RORA: variants seen among roughly 807,000 people sequenced by gnomAD.
RORA encodes nuclear receptor ROR-alpha.
Under a neutral mutation model 69.5 loss-of-function variants are expected in RORA, and 7 were observed. The observed-to-expected ratio is 0.10, with a 90% CI of 0.06 to 0.19. RORA has a LOEUF of 0.19. Among genes scored for constraint, RORA ranks in the 10% least tolerant of loss-of-function variants. RORA has a pLI of 1.00. For missense variants in RORA, 457 were observed against 663.0 expected (o/e 0.69, Z 3.41); for synonymous variants, 261 against 240.8 (o/e 1.08, Z -0.78).
chr15:61,029,354 G>A (rs1051877385), intron 1 of RORA, among the ~76,000 whole-genome samples: 2 of 152,080 alleles, frequency 1.3e-5, no homozygotes, highest in African/African-American at 2.4e-5. Context: ...GACTGAGGAG[G>A]GAAGCAGGAG....
At chr15:61,133,906 C>T (rs554659290) in intron 1 of RORA, among the ~76,000 whole-genome samples, 1 of 152,278 alleles carries the variant, frequency 6.6e-6, no homozygotes, top group South Asian at 2.1e-4. Context: ...TTAAATTCTT[C>T]CACAGGAAGG....
rs186397748 is a variant in RORA, at chr15:60,493,181, G to A, written c.*4274C>T. 6 of 152,148 alleles carry A rather than the reference G, an allele frequency of 3.9e-5. No homozygotes were observed. The East Asian group carries it at 9.6e-4, about 24-fold the overall frequency. The allele number at this position is 152,148 out of a possible 1,614,324, so 9.4% of individuals were successfully genotyped here. On this transcript the variant is annotated 3_prime_UTR_variant, in exon 11 of 11. Transcript: ENST00000335670. ...TATCTTAAAATAATAGCATTGGAAG[G>A]ACATATGATTTAAACAATCAATGTT...
At chr15:60,665,085 A>T (rs559538297) in intron 2 of RORA, among the ~76,000 whole-genome samples, 2 of 152,380 alleles carry the variant, frequency 1.3e-5, no homozygotes, top group Admixed American at 1.3e-4. Context: ...ATAGCAAGTC[A>T]CGTGTTCTGA....
At chr15:61,060,710 A>G (rs1210332842) in intron 1 of RORA, among the ~76,000 whole-genome samples, 1 of 152,176 alleles carries the variant, frequency 6.6e-6, no homozygotes, top group Non-Finnish European at 1.5e-5. Context: ...TGAAAGGAGA[A>G]AAATGGCTGG....
chr15:61,015,249 T>C (rs1409170227), intron 1 of RORA, among the ~76,000 whole-genome samples: 1 of 152,170 alleles, frequency 6.6e-6, no homozygotes, highest in Admixed American at 6.5e-5. Context: ...GCAGATTCTA[T>C]TTTAATCCAA....
chr15:60,992,202 C>T lies in RORA; in HGVS notation c.166+236851G>A, dbSNP rs114780443. Among the ~76,000 whole-genome samples, 668 of 152,188 alleles carry T rather than the reference C, an allele frequency of 4.4e-3. 8 individuals are homozygous for T. The highest frequency in any genetic ancestry group is 0.015 in the African/African-American group (634 of 41,544). ...GAGGAAATGGCACAAAGAAGGCCCA[C>T]GGGTTTGGAATGACGGAGAGAAGAG... On this transcript the variant is annotated intron_variant, in intron 1 of 10. Transcript: ENST00000335670.
chr15:61,170,648 G>C (rs1489486983), intron 1 of RORA, among the ~76,000 whole-genome samples: 3 of 152,158 alleles, frequency 2.0e-5, no homozygotes, highest in Non-Finnish European at 2.9e-5. Context: ...AATATAAAAA[G>C]AGCATATATG....
chr15:60,596,903 C>T (rs918372768), intron 2 of RORA, among the ~76,000 whole-genome samples: 3 of 152,172 alleles, frequency 2.0e-5, no homozygotes, highest in African/African-American at 7.2e-5. Flanking sequence ...CACACACATA[C>T]ACATATTTCT....
intron 1 of RORA, among the ~76,000 whole-genome samples, chr15:60,874,239 A>C (rs1193152787): frequency 2.0e-5 from 3 of 152,224 alleles, no homozygotes; most frequent in Non-Finnish European, 4.4e-5. Context: ...ATTTGCAGAC[A>C]AAGCTGTGTC....
chr15:60,623,287 A>G (rs1437942576), intron 2 of RORA, among the ~76,000 whole-genome samples: 1 of 152,058 alleles, frequency 6.6e-6, no homozygotes. Flanking sequence ...GGGTCAGTCT[A>G]AAATATTTAA....
chr15:60,941,031 C>G (rs896875162), intron 1 of RORA, among the ~76,000 whole-genome samples: 1 of 152,166 alleles, frequency 6.6e-6, no homozygotes, highest in Non-Finnish European at 1.5e-5. Context: ...TGATAGCAGA[C>G]CTGCAAGAAA....
chr15:60,494,304 T>C lies in RORA; in HGVS notation c.*3151A>G, dbSNP rs569351711. 8 of 152,304 alleles carry C rather than the reference T, an allele frequency of 5.3e-5. No individual in the cohort carries two copies. The highest frequency in any genetic ancestry group is 1.9e-4 in the African/African-American group (8 of 41,564). 9.4% of individuals were successfully genotyped at this position (152,304 alleles called of 1,614,324 possible). On this transcript the variant is annotated 3_prime_UTR_variant, in exon 11 of 11. Transcript: ENST00000335670. ...CAATATAATAACCATTTGGACACCA[T>C]TGGAACAGAAGGTATTCAGGCTTTG...
chr15:60,726,892 G>A (rs1167099138), intron 1 of RORA, among the ~76,000 whole-genome samples: 3 of 152,206 alleles, frequency 2.0e-5, no homozygotes, highest in Non-Finnish European at 2.9e-5. Context: ...AGGCCATTTA[G>A]GAGAGGCCCT....
chr15:60,628,848 T>G (rs970093042), intron 2 of RORA, among the ~76,000 whole-genome samples: 2 of 152,118 alleles, frequency 1.3e-5, no homozygotes, highest in African/African-American at 4.8e-5. Flanking sequence ...CTATTGCAGC[T>G]CAAGAGATGA....
chr15:60,495,813 C>CTGTT lies in RORA; in HGVS notation c.*1638_*1641dup, dbSNP rs931036584. ...TCACTTGTTTTTAAAATATGCACAT[C>CTGTT]TGTTTATCAGACTATTCCTTTCCCC... On this transcript the variant is annotated 3_prime_UTR_variant, in exon 11 of 11. Coordinates refer to ENST00000335670, the MANE Select transcript of RORA (RefSeq NM_134261.3). The CTGTT allele has an allele frequency of 1.7e-4, 26 of 151,128 alleles. No individual in the cohort carries two copies. Among genetic ancestry groups the CTGTT allele is most frequent in the African/African-American group, 6.1e-4 (25 of 41,076 alleles). The allele number at this position is 151,128 out of a possible 1,614,324, so 9.4% of individuals were successfully genotyped here.
chr15:60,525,776 G>A (rs1595912671), intron 3 of RORA, among the ~76,000 whole-genome samples: 1 of 152,300 alleles, frequency 6.6e-6, no homozygotes, highest in Non-Finnish European at 1.5e-5. Context: ...GTAGAGATGA[G>A]AAAAGCAGAG....
chr15:60,566,797 A>G (rs1231674536), intron 2 of RORA, among the ~76,000 whole-genome samples: 2 of 152,156 alleles, frequency 1.3e-5, no homozygotes, highest in Non-Finnish European at 2.9e-5. Flanking sequence ...CCCAGCATGA[A>G]CATGCGTGAT....
chr15:60,530,881 A>AT (rs1367300847), intron 3 of RORA: 3 of 152,116 alleles, frequency 2.0e-5, no homozygotes, highest in Non-Finnish European at 4.4e-5. Context: ...TCTCCTGTTT[A>AT]TTTTGCACTG....
chr15:61,168,115 A>G (rs1336783541), intron 1 of RORA, among the ~76,000 whole-genome samples: 1 of 150,360 alleles, frequency 6.7e-6, no homozygotes, highest in African/African-American at 2.4e-5. Context: ...TATATATATA[A>G]TATATATTAA....
Sources: gnomAD v4.1 joint callset for allele counts (sites outside exome capture counted in the v4.1 genomes callset) on GRCh38, gnomAD v4.1.1 for gene constraint, MANE v1.5 for transcripts, NCBI Gene and HGNC (gene_info 2026-07-23, HGNC 2026-07-21) for gene names.